Variants in PLPP7 observed in about 807,000 individuals in gnomAD.
The protein encoded by PLPP7 is inactive phospholipid phosphatase 7.
PLPP7 carries 11 observed loss-of-function variants against 16.9 expected under a neutral mutation model. That is an observed-to-expected ratio of 0.65 (90% CI 0.41 to 1.08). The LOEUF (loss-of-function observed/expected upper bound fraction) is 1.08, where lower values mean the gene tolerates loss of function less well. Ranked by LOEUF, PLPP7 falls within the 50% of genes least tolerant of loss-of-function variation. The pLI, the probability that PLPP7 is intolerant of heterozygous loss-of-function variation, is 0.00. For missense variants in PLPP7, 358 were observed against 397.1 expected (o/e 0.90, Z 0.84); for synonymous variants, 174 against 175.1 (o/e 0.99, Z 0.05).
chr9:131,293,904 G>A (rs1835708446), intron 1 of PLPP7, among the ~76,000 whole-genome samples: 1 of 152,172 alleles, frequency 6.6e-6, no homozygotes, highest in African/African-American at 2.4e-5. Context: ...GTGGCACTCA[G>A]CTAACCCCCA....
intron 1 of PLPP7, 81 bp from the exon 2 acceptor site, chr9:131,307,842 C>T (rs1312208025): frequency 9.4e-6 from 13 of 1,379,092 alleles, no homozygotes; most frequent in South Asian, 1.4e-5. Flanking sequence ...AAAGGGGAGG[C>T]GAGGTGGAAA....
At chr9:131,305,912 A>AC (rs1308629338) in intron 1 of PLPP7, among the ~76,000 whole-genome samples, 1 of 151,746 alleles carries the variant, frequency 6.6e-6, no homozygotes, top group Non-Finnish European at 1.5e-5. Context: ...TATAAGTGTG[A>AC]CCCACCGTGC....
In PLPP7 at chr9:131,290,514, C is replaced by T; in HGVS notation, c.451+66C>T. On this transcript the variant is annotated intron_variant, in intron 1 of 1. Coordinates refer to ENST00000372264, the MANE Select transcript of PLPP7 (RefSeq NM_032728.4). The surrounding 1 kb of genome is among the most constrained non-coding windows in gnomAD (Gnocchi z 4.2). ...CGGGAGGCAGCCTGGCCTGCCCAAC[C>T]CCACCCTGGCCGGGACCTGCACAGC... 1.4e-6 allele frequency: 2 copies of T among 1,412,998 alleles called. No individual in the cohort carries two copies. Among genetic ancestry groups the T allele is most frequent in the Non-Finnish European group, 1.9e-6 (2 of 1,069,314 alleles). 87.5% of individuals were successfully genotyped at this position (1,412,998 alleles called of 1,614,324 possible).
intron 1 of PLPP7, among the ~76,000 whole-genome samples, chr9:131,304,445 G>C (rs1330601093): frequency 6.6e-6 from 1 of 152,178 alleles, no homozygotes; most frequent in Non-Finnish European, 1.5e-5. Context: ...GACCAGCCTG[G>C]CCAACATGGC....
intron 1 of PLPP7, among the ~76,000 whole-genome samples, chr9:131,302,592 A>G (rs1835810666): frequency 6.6e-6 from 1 of 152,178 alleles, no homozygotes; most frequent in Non-Finnish European, 1.5e-5. Flanking sequence ...GCCCAGGGGA[A>G]CAGCTGCCGT....
In PLPP7 at chr9:131,290,362, G is replaced by A. The variant is rs1244550532; in HGVS notation, c.365G>A (p.Gly122Asp). Residue 122 changes from glycine (G) to aspartate (D), a missense_variant, in exon 1 of 2, where the codon GGC becomes GAC. Physicochemically the swap from Gly to Asp is moderately conservative, Grantham distance 94. Coordinates refer to ENST00000372264, the MANE Select transcript of PLPP7 (RefSeq NM_032728.4). This position sits in a 1 kb window ranked among gnomAD's most constrained non-coding sequence, Gnocchi z 4.2. ...AAGCTCATCGGCATCACGGGCCACG[G>A]CATCCCCTGGATCGGAGGCACCATC... ...MVKLIGITGHGIPWIGGTILC... is the reference protein window; with the variant it reads ...MVKLIGITGHDIPWIGGTILC... The A allele has an allele frequency of 1.6e-5, 25 of 1,607,804 alleles. No homozygotes were observed. Among genetic ancestry groups the A allele is most frequent in the Non-Finnish European group, 2.0e-5 (24 of 1,177,596 alleles).
At chr9:131,293,662 G>A (rs2131213715) in intron 1 of PLPP7, among the ~76,000 whole-genome samples, 1 of 152,328 alleles carries the variant, frequency 6.6e-6, no homozygotes, top group African/African-American at 2.4e-5. Flanking sequence ...GGGAGAGACT[G>A]GCTATTGTCC....
chr9:131,303,060 G>A (rs1267119477), intron 1 of PLPP7, among the ~76,000 whole-genome samples: 3 of 152,142 alleles, frequency 2.0e-5, no homozygotes, highest in Non-Finnish European at 4.4e-5. Context: ...GGCCGGGCAC[G>A]GTGGCTCACG....
Position 131,295,902 on chromosome 9 carries a change from C to A in PLPP7, c.451+5454C>A, listed in dbSNP as rs1835730985. On this transcript the variant is annotated intron_variant, in intron 1 of 1. Coordinates refer to ENST00000372264, the MANE Select transcript of PLPP7 (RefSeq NM_032728.4). This position sits in a 1 kb window ranked among gnomAD's most constrained non-coding sequence, Gnocchi z 4.0. ...ACCACATTTCGTGTATCCATTCGTG[C>A]ACCCATGGACACTTCGGTTGCTTCC... 6.6e-6 allele frequency among the ~76,000 whole-genome samples: 1 copy of A among 152,192 alleles called. No homozygotes were observed. The highest frequency in any genetic ancestry group is 1.5e-5 in the Non-Finnish European group (1 of 68,036).
At chr9:131,302,115 G>A (rs1262239871) in intron 1 of PLPP7, among the ~76,000 whole-genome samples, 3 of 152,252 alleles carry the variant, frequency 2.0e-5, no homozygotes, top group African/African-American at 4.8e-5. Context: ...CACTGCGCCC[G>A]GCCAGAACTT....
chr9:131,297,552 A>AT (rs1835747946), intron 1 of PLPP7, among the ~76,000 whole-genome samples: 1 of 151,956 alleles, frequency 6.6e-6, no homozygotes, highest in South Asian at 2.1e-4. Flanking sequence ...CACCTGGCTA[A>AT]TTTTTGTGTT....
Position 131,308,462 on chromosome 9 carries a change from A to G in PLPP7, c.*175A>G, listed in dbSNP as rs1835881897. 9.1e-7 allele frequency: 1 copy of G among 1,094,534 alleles called. No homozygotes were observed. Among genetic ancestry groups the G allele is most frequent in the Non-Finnish European group, 1.3e-6 (1 of 790,478 alleles). 67.8% of individuals were successfully genotyped at this position (1,094,534 alleles called of 1,614,324 possible). A position where few individuals can be genotyped will look rare whatever the true frequency, so the allele number is the denominator to read the frequency against. The stretch of plus-strand genomic sequence containing the variant: ...GGCGAACCCAGGCCACCCCTCCCGG[A>G]GACAAGCGTGTTTGGCAGTGCCAGG... On this transcript the variant is annotated 3_prime_UTR_variant, in exon 2 of 2. Transcript: ENST00000372264.
intron 1 of PLPP7, among the ~76,000 whole-genome samples, chr9:131,292,403 C>T (rs1835688517): frequency 1.3e-5 from 2 of 152,318 alleles, no homozygotes; most frequent in South Asian, 2.1e-4. Flanking sequence ...CAGGGCTTTG[C>T]ATAAACCATA....
intron 1 of PLPP7, among the ~76,000 whole-genome samples, chr9:131,303,332 T>C (rs1427536654): frequency 2.0e-5 from 2 of 99,176 alleles, no homozygotes; most frequent in Non-Finnish European, 4.0e-5. Flanking sequence ...AACTCTGTCT[T>C]AAAAAAAAAA....
In PLPP7 at chr9:131,290,108, C is replaced by G. The variant is rs1835648152; in HGVS notation, c.111C>G (p.Ser37Arg). 1 of 1,531,016 alleles carries G rather than the reference C, an allele frequency of 6.5e-7. No individual in the cohort carries two copies. Among genetic ancestry groups the G allele is most frequent in the Non-Finnish European group, 8.8e-7 (1 of 1,137,896 alleles). The allele number at this position is 1,531,016 out of a possible 1,614,324, so 94.8% of individuals were successfully genotyped here. The change falls in exon 1 of 2, where the codon AGC becomes AGG. Residue 37 changes from serine to arginine, a missense_variant. By Grantham distance (110) the Ser-to-Arg change is moderately radical. Coordinates refer to ENST00000372264, the MANE Select transcript of PLPP7 (RefSeq NM_032728.4). The surrounding 1 kb of genome is among the most constrained non-coding windows in gnomAD (Gnocchi z 4.2). ...CCAAGGGGGGCCCGGAGCCCCGCAGCTCGGGCAGAAAGGCCTCGGGCCCAT... is the reference window on the plus strand; with the variant it reads ...CCAAGGGGGGCCCGGAGCCCCGCAGGTCGGGCAGAAAGGCCTCGGGCCCAT... ...QPPKGGPEPR[S>R]SGRKASGPSA...
Position 131,308,167 on chromosome 9 carries a change from C to T in PLPP7, c.696C>T (p.Ile232=), listed in dbSNP as rs752847529. ...GCGTGGGCCTGTCCCGCGTGATGAT[C>T]GGCCGCCACCACGTCACGGACGTCC... The part of the protein sequence containing the change: ...ALCVGLSRVM[I]GRHHVTDVLS... The change falls in exon 2 of 2, where the codon ATC becomes ATT. Residue 232 remains isoleucine, a synonymous_variant. Transcript: ENST00000372264. The T allele has an allele frequency of 1.3e-5, 21 of 1,600,280 alleles. No homozygotes were observed. In the Admixed American group the frequency reaches 1.5e-4, roughly 11 times the overall value.
rs762289217 is a variant in PLPP7 at position 131,290,366 on chromosome 9, C to T, written c.369C>T (p.Ile123=). ...VKLIGITGHG[I]PWIGGTILCL... is the part of the protein sequence containing the mutation. ...TCATCGGCATCACGGGCCACGGCAT[C>T]CCCTGGATCGGAGGCACCATCCTCT... The change falls in exon 1 of 2, where the codon ATC becomes ATT. Residue 123 remains isoleucine (I), a synonymous_variant. Transcript: ENST00000372264. This position sits in a 1 kb window ranked among gnomAD's most constrained non-coding sequence, Gnocchi z 4.2. 2.5e-6 allele frequency: 4 copies of T among 1,606,952 alleles called. No individual in the cohort carries two copies. The highest frequency in any genetic ancestry group is 3.4e-6 in the Non-Finnish European group (4 of 1,176,994).
chr9:131,295,707 CTG>C lies in PLPP7; in HGVS notation c.451+5262_451+5263del, dbSNP rs1162685117. On this transcript the variant is annotated intron_variant, in intron 1 of 1. Transcript: ENST00000372264. This position sits in a 1 kb window ranked among gnomAD's most constrained non-coding sequence, Gnocchi z 4.0. ...GCAACCTCCATTCTACACTCTGTCTCTGTGGATTTGACTGTTCTAGGGACCTC... is the reference window on the plus strand; with the variant it reads ...GCAACCTCCATTCTACACTCTGTCTCTGGATTTGACTGTTCTAGGGACCTC... 6.6e-6 allele frequency among the ~76,000 whole-genome samples: 1 copy of C among 152,152 alleles called. No homozygotes were observed. Among genetic ancestry groups the C allele is most frequent in the Non-Finnish European group, 1.5e-5 (1 of 68,028 alleles).
chr9:131,298,280 A>G (rs1239658347), intron 1 of PLPP7, among the ~76,000 whole-genome samples: 1 of 152,148 alleles, frequency 6.6e-6, no homozygotes, highest in African/African-American at 2.4e-5. Context: ...CTCCCTGGGC[A>G]GTATATGGCT....
Sources: allele counts gnomAD v4.1 joint callset (sites outside exome capture counted in the v4.1 genomes callset), GRCh38; gene constraint gnomAD v4.1.1; non-coding constraint Gnocchi (gnomAD v3.1); transcripts MANE v1.5; gene names NCBI Gene and HGNC (gene_info 2026-07-23, HGNC 2026-07-21).